ZNF236: variants seen among roughly 807,000 people sequenced by gnomAD.
ZNF236 encodes the protein zinc finger protein 236.
In ZNF236, 50 loss-of-function variants were observed where a neutral mutation model predicts 191.2. That is an observed-to-expected ratio of 0.26 (90% CI 0.21 to 0.33). ZNF236 has a LOEUF of 0.33. ZNF236 is among the 10% of genes least tolerant of loss of function. ZNF236 has a pLI of 1.00. For missense variants in ZNF236, 1,754 were observed against 2,374.5 expected, an observed-to-expected ratio of 0.74 and a Z score of 5.43; for synonymous variants, 907 against 928.8, an observed-to-expected ratio of 0.98 and a Z score of 0.43.
At chr18:76,952,915 C>T (rs1441566330) in intron 27 of ZNF236, among the ~76,000 whole-genome samples, 1 of 152,222 alleles carries the variant, frequency 6.6e-6, no homozygotes, top group Non-Finnish European at 1.5e-5. Context: ...GCACAGAGCA[C>T]AGGTCCTGGT....
In ZNF236 at chr18:76,929,136, TGAAAGAAAA is replaced by T. The variant is rs1216581780; in HGVS notation, c.4594+1032_4594+1040del. 4.6e-5 allele frequency among the ~76,000 whole-genome samples: 7 copies of T among 151,184 alleles called. No homozygotes were observed. In the South Asian group the frequency reaches 1.5e-3, roughly 32 times the overall value. ...TTTCTGCAGAAATTAATTTCAGAAC[TGAAAGAAAA>T]GGTATTCATAAGAAAACCAGAAGCT... is the stretch of plus-strand genomic sequence containing the variant. On this transcript the variant is annotated intron_variant, in intron 25 of 30. Transcript: ENST00000320610.
intron 19 of ZNF236, among the ~76,000 whole-genome samples, chr18:76,916,258 G>A (rs948434680): frequency 1.3e-5 from 2 of 152,122 alleles, no homozygotes; most frequent in African/African-American, 4.8e-5. Flanking sequence ...ATTGAACACA[G>A]GCCTACATCA....
chr18:76,897,337 A>G (rs909975302), intron 10 of ZNF236, among the ~76,000 whole-genome samples: 6 of 151,708 alleles, frequency 4.0e-5, no homozygotes, highest in African/African-American at 9.7e-5. Context: ...CATGCATGCT[A>G]CCAAACACAG....
intron 25 of ZNF236, chr18:76,931,119 C>T (rs376345050): frequency 1.4e-4 from 22 of 152,142 alleles, no homozygotes; most frequent in African/African-American, 2.9e-4. Context: ...TATTAATAAA[C>T]GGGAGCATAA....
intron 10 of ZNF236, among the ~76,000 whole-genome samples, chr18:76,896,340 CGCACACAGTACCAAACACAGGTACT>C (rs1353870097): frequency 2.0e-5 from 3 of 151,208 alleles, no homozygotes; most frequent in Admixed American, 6.6e-5. Context: ...CCACAGGGAC[CGCACACAGTACCAAACACAGGTACT>C]GCACACAGGT....
intron 27 of ZNF236, among the ~76,000 whole-genome samples, chr18:76,950,330 G>A (rs114137411): frequency 4.3e-4 from 66 of 152,260 alleles, no homozygotes; most frequent in African/African-American, 1.5e-3. Flanking sequence ...ATCTTTTGTT[G>A]TAATTTCAAC....
chr18:76,868,083 G>A (rs1002620441), intron 3 of ZNF236, among the ~76,000 whole-genome samples: 2 of 152,090 alleles, frequency 1.3e-5, no homozygotes, highest in Non-Finnish European at 2.9e-5. Flanking sequence ...TGTCATTCTT[G>A]TATTTTTGCT....
rs1454988269 is a variant in ZNF236 at position 76,960,342 on chromosome 18, G to A, written c.5243-337G>A. On this transcript the variant is annotated intron_variant, in intron 29 of 30. Transcript: ENST00000320610. This position sits in a 1 kb window ranked among gnomAD's most constrained non-coding sequence, Gnocchi z 4.4. ...CATGATAGCTCGTGTCAGCCCTTCCGTCTCCGCCCTGCCCTAACAGGACAT... is the reference window on the plus strand; with the variant it reads ...CATGATAGCTCGTGTCAGCCCTTCCATCTCCGCCCTGCCCTAACAGGACAT... Among the ~76,000 whole-genome samples the A allele has an allele frequency of 2.0e-5, 3 of 152,104 alleles. No homozygotes were observed. Among genetic ancestry groups the A allele is most frequent in the African/African-American group, 4.8e-5 (2 of 41,404 alleles).
chr18:76,837,374 T>G (rs1490534182), intron 1 of ZNF236, among the ~76,000 whole-genome samples: 1 of 151,962 alleles, frequency 6.6e-6, no homozygotes, highest in Non-Finnish European at 1.5e-5. Flanking sequence ...GTCTTTGATC[T>G]GATTTAATTT....
chr18:76,892,901 C>T (rs1977291605), intron 9 of ZNF236, among the ~76,000 whole-genome samples: 1 of 152,214 alleles, frequency 6.6e-6, no homozygotes, highest in African/African-American at 2.4e-5. Flanking sequence ...TGCCCAACTC[C>T]AGGAAAGCTT....
At chr18:76,948,750 C>T (rs1031268668) in intron 27 of ZNF236, among the ~76,000 whole-genome samples, 3 of 152,206 alleles carry the variant, frequency 2.0e-5, no homozygotes, top group Non-Finnish European at 4.4e-5. Context: ...AATTGTTTTA[C>T]AATCAGTCAT....
At chr18:76,824,119 G>T (rs570476355) in intron 1 of ZNF236, 4 of 576,558 alleles carry the variant, frequency 6.9e-6, no homozygotes, top group Non-Finnish European at 6.2e-6. Flanking sequence ...TCATTAAAGA[G>T]CTTGTGACCA....
chr18:76,908,228 T>G lies in ZNF236; in HGVS notation c.2298-92T>G, dbSNP rs2122755180. ...ATGAAATCATTAATAAAAAATGTTA[T>G]TTAATCAATGACAACTCTTTCACTG... On this transcript the variant is annotated intron_variant, in intron 13 of 30. Transcript: ENST00000320610. The G allele has an allele frequency of 2.7e-6, 4 of 1,455,376 alleles. No individual in the cohort carries two copies. The East Asian group carries it at 9.2e-5, about 33-fold the overall frequency. 90.2% of individuals were successfully genotyped at this position (1,455,376 alleles called of 1,614,324 possible). A position where few individuals can be genotyped will look rare whatever the true frequency, so the allele number is the denominator to read the frequency against.
intron 14 of ZNF236, 36 bp downstream of exon 14, chr18:76,908,609 C>T (rs892573590): frequency 1.3e-6 from 2 of 1,569,086 alleles, no homozygotes; most frequent in South Asian, 2.3e-5. Flanking sequence ...TGAGTGATCC[C>T]AGCAGAGTTT....
chr18:76,911,092 C>T (rs1967205872), intron 16 of ZNF236, among the ~76,000 whole-genome samples: 1 of 152,160 alleles, frequency 6.6e-6, no homozygotes, highest in South Asian at 2.1e-4. Context: ...TATGTAATAA[C>T]ACGTTGAAAG....
At position 76,881,508 on chromosome 18, in the gene ZNF236, A is replaced by G. The variant is rs765364274; in HGVS notation, c.1413A>G (p.Leu471=). The G allele has an allele frequency of 2.4e-5, 38 of 1,608,612 alleles. No homozygotes were observed. Among genetic ancestry groups the G allele is most frequent in the Non-Finnish European group, 3.2e-5 (38 of 1,178,590 alleles). The change falls in exon 9 of 31, where the codon CTA becomes CTG. Residue 471 remains leucine, a synonymous_variant. Transcript: ENST00000320610. ...KKMIKKKSPF[L]PGSIREENGV... ...TGATAAAGAAGAAGTCACCGTTTCT[A>G]CCTGGTAATTTTCCTAAACTTTAAA...
At chr18:76,933,741 C>G (rs1296387794) in intron 25 of ZNF236, among the ~76,000 whole-genome samples, 3 of 152,130 alleles carry the variant, frequency 2.0e-5, no homozygotes, top group African/African-American at 7.2e-5. Context: ...TTTGAATAAT[C>G]CTGGGTATAG....
chr18:76,855,897 A>G (rs1038145083), intron 3 of ZNF236, among the ~76,000 whole-genome samples: 5 of 152,230 alleles, frequency 3.3e-5, no homozygotes, highest in Non-Finnish European at 7.3e-5. Context: ...GGGTTAATAG[A>G]AATGTGAGAT....
At chr18:76,905,088 ATTCTAGT>A in intron 12 of ZNF236, 60 bp from the exon 13 acceptor site, 1 of 1,456,966 alleles carries the variant, frequency 6.9e-7, no homozygotes, top group Non-Finnish European at 9.3e-7. Flanking sequence ...GCAAGAGTGC[ATTCTAGT>A]CACAAAGCAT....
Sources: gnomAD v4.1 joint callset for allele counts (sites outside exome capture counted in the v4.1 genomes callset) on GRCh38, gnomAD v4.1.1 for gene constraint, Gnocchi (gnomAD v3.1) non-coding constraint, MANE v1.5 for transcripts, NCBI Gene and HGNC (gene_info 2026-07-23, HGNC 2026-07-21) for gene names.